The following SLC5A10 variants were observed in gnomAD, a reference collection of about 807,000 sequenced individuals.
SLC5A10 encodes sodium/mannose cotransporter SLC5A10.
SLC5A10 carries 55 observed loss-of-function variants against 68.9 expected under a neutral mutation model. The observed-to-expected ratio is 0.80, with a 90% confidence interval of 0.64 to 1.00. SLC5A10 has a LOEUF of 1.00. SLC5A10 is among the 50% of genes least tolerant of loss of function. The pLI is 0.00. For missense variants in SLC5A10, 732 were observed against 819.3 expected (o/e 0.89, Z 1.30); for synonymous variants, 344 against 344.8 (o/e 1.00, Z 0.02).
chr17:18,977,560 T>C, intron 9 of SLC5A10: 1 of 1,597,724 alleles, frequency 6.3e-7, no homozygotes, highest in Non-Finnish European at 8.5e-7. Context: ...TCGTGACCCC[T>C]GGTGTGCAGG....
chr17:18,995,851 T>C (rs2043554903), intron 9 of SLC5A10, among the ~76,000 whole-genome samples: 2 of 150,320 alleles, frequency 1.3e-5, no homozygotes, highest in South Asian at 4.2e-4. Flanking sequence ...GAGTTTGCAG[T>C]GAGCCAAGAT....
At chr17:18,966,988 G>A (rs1243019015) in intron 5 of SLC5A10, among the ~76,000 whole-genome samples, 2 of 152,172 alleles carry the variant, frequency 1.3e-5, no homozygotes, top group African/African-American at 2.4e-5. Context: ...GAAGTGGCCT[G>A]CTCAAAGCCA....
At chr17:18,979,419 C>A in intron 9 of SLC5A10, 1 of 1,145,884 alleles carries the variant, frequency 8.7e-7, no homozygotes, top group Non-Finnish European at 1.2e-6. Context: ...CAGATGTGCT[C>A]CAGCCCTGCG....
At chr17:18,956,572 T>G (rs2428378) in intron 1 of SLC5A10, among the ~76,000 whole-genome samples, 133,547 of 150,698 alleles carry the variant, frequency 0.89, 59,619 homozygotes, top group Non-Finnish European at 0.91. Context: ...GACTTCCTGG[T>G]CTCAAGTGAT....
At chr17:18,984,175 T>C (rs530284221) in intron 9 of SLC5A10, among the ~76,000 whole-genome samples, 1 of 151,768 alleles carries the variant, frequency 6.6e-6, no homozygotes, top group Admixed American at 6.6e-5. Context: ...ACCCCATCTC[T>C]ACTAAAAATA....
rs946089718 is a variant in SLC5A10 at position 18,976,904 on chromosome 17, G to A, written c.897G>A (p.Ala299=). 5.0e-6 allele frequency: 8 copies of A among 1,613,514 alleles called. No homozygotes were observed. The highest frequency in any genetic ancestry group is 4.0e-5 in the African/African-American group (3 of 74,874). Residue 299 remains alanine, a synonymous_variant, in exon 9 of 15, where the codon GCG becomes GCA. Coordinates refer to ENST00000395645, the MANE Select transcript of SLC5A10 (RefSeq NM_001042450.4). ...CCCGGGACCTGAACCATGCCAAGGC[G>A]GGCTCCATCCTGGCCAGCTACCTCA... ...LSARDLNHAK[A]GSILASYLKM...
chr17:19,012,551 T>C (rs2044036921), intron 9 of SLC5A10, among the ~76,000 whole-genome samples: 1 of 152,074 alleles, frequency 6.6e-6, no homozygotes, highest in South Asian at 2.1e-4. Context: ...GGGAAAGCGA[T>C]GTGGGGCAAG....
chr17:19,005,790 A>G (rs2043870119), intron 9 of SLC5A10, among the ~76,000 whole-genome samples: 1 of 152,102 alleles, frequency 6.6e-6, no homozygotes, highest in Non-Finnish European at 1.5e-5. Context: ...ATGAAGTCCT[A>G]CACTCTGCCA....
rs1331866323 is a variant in SLC5A10 at position 19,019,801 on chromosome 17, AG to A, written c.1500del (p.Glu500AspfsTer35). 1.2e-6 allele frequency: 2 copies of A among 1,613,256 alleles called. No individual in the cohort carries two copies. Among genetic ancestry groups the A allele is most frequent in the Non-Finnish European group, 1.7e-6 (2 of 1,179,874 alleles). Reference protein sequence around the residue: ...EFLNPAPPCGEPDTRPAVLGS... With the variant: ...EFLNPAPPCGXPDTRPAVLGS... ...CTGAACCCAGCCCCACCGTGCGGAGAGCCAGACACGCGGCCAGCCGTCCTGG... is the reference window on the plus strand; with the variant it reads ...CTGAACCCAGCCCCACCGTGCGGAGACCAGACACGCGGCCAGCCGTCCTGG... On this transcript the variant is annotated frameshift_variant, in exon 13 of 15. Transcript: ENST00000395645. LOFTEE classifies it high-confidence loss of function.
intron 9 of SLC5A10, among the ~76,000 whole-genome samples, chr17:19,009,162 G>C (rs529892792): frequency 1.4e-4 from 22 of 152,100 alleles, no homozygotes; most frequent in Middle Eastern, 3.4e-3. Flanking sequence ...AAGGGATTGG[G>C]AGAGCTGAGT....
intron 9 of SLC5A10, among the ~76,000 whole-genome samples, chr17:19,006,498 C>T (rs1183493476): frequency 1.3e-5 from 2 of 151,752 alleles, no homozygotes; most frequent in African/African-American, 2.4e-5. Flanking sequence ...CTTGGCCTCC[C>T]GAAGTTCTGG....
At position 19,019,239 on chromosome 17, in the gene SLC5A10, C is replaced by G. The variant is rs914222240; in HGVS notation, c.1242-184C>G. ...GCACCTGCAGGATCCAGGGAGCCAC[C>G]AAAGGGTTTGGAGCAGGGCAGGACT... On this transcript the variant is annotated intron_variant, in intron 11 of 14. Coordinates refer to ENST00000395645, the MANE Select transcript of SLC5A10 (RefSeq NM_001042450.4). The G allele has an allele frequency of 6.0e-6, 4 of 672,074 alleles. No homozygotes were observed. In the African/African-American group the frequency reaches 7.3e-5, roughly 12 times the overall value. 41.6% of individuals were successfully genotyped at this position (672,074 alleles called of 1,614,324 possible). A position where few individuals can be genotyped will look rare whatever the true frequency, so the allele number is the denominator to read the frequency against.
intron 9 of SLC5A10, among the ~76,000 whole-genome samples, chr17:18,984,332 CAAA>C (rs1176935676): frequency 1.5e-5 from 1 of 68,002 alleles, no homozygotes. Context: ...GACTCCCTCT[CAAA>C]AAAAAAAAAA....
chr17:18,952,921 A>G (rs2042402038), intron 1 of SLC5A10, among the ~76,000 whole-genome samples: 1 of 152,064 alleles, frequency 6.6e-6, no homozygotes, highest in East Asian at 1.9e-4. Context: ...CAGATGGAGA[A>G]ACCGAGGCTC....
upstream of SLC5A10, chr17:18,951,877 G>A: frequency 3.3e-6 from 1 of 306,650 alleles, no homozygotes; most frequent in Non-Finnish European, 6.1e-6. Flanking sequence ...AGCCTTTCTG[G>A]GACTATTTGG....
chr17:19,011,504 C>T (rs2044012346), intron 9 of SLC5A10, among the ~76,000 whole-genome samples: 1 of 152,048 alleles, frequency 6.6e-6, no homozygotes, highest in Non-Finnish European at 1.5e-5. Context: ...CCCAGGATGC[C>T]ATGGGCTGAG....
chr17:18,958,159 C>A (rs1163788272), intron 1 of SLC5A10, among the ~76,000 whole-genome samples: 1 of 152,230 alleles, frequency 6.6e-6, no homozygotes, highest in Non-Finnish European at 1.5e-5. Context: ...CAGCATCCAC[C>A]TCCTGGGCTC....
chr17:18,985,356 C>T (rs922885830), intron 9 of SLC5A10, among the ~76,000 whole-genome samples: 1 of 152,200 alleles, frequency 6.6e-6, no homozygotes, highest in African/African-American at 2.4e-5. Flanking sequence ...AGCTGGGGCT[C>T]AGGACTGGCT....
intron 9 of SLC5A10, chr17:18,986,067 C>T (rs1161383621): frequency 6.6e-6 from 1 of 152,314 alleles, no homozygotes; most frequent in African/African-American, 2.4e-5. Context: ...GAGGTGGAAC[C>T]ACACACCCAG....
Sources: gnomAD v4.1 joint callset for allele counts (sites outside exome capture counted in the v4.1 genomes callset) on GRCh38, gnomAD v4.1.1 for gene constraint, MANE v1.5 for transcripts, NCBI Gene and HGNC (gene_info 2026-07-23, HGNC 2026-07-21) for gene names.